Variants in MARCO observed in about 807,000 individuals in gnomAD.
MARCO encodes the protein macrophage receptor MARCO.
Under a neutral mutation model 70.0 loss-of-function variants are expected in MARCO, and 72 were observed. The ratio of observed to expected loss-of-function variants is 1.03; its 90% CI spans 0.85 to 1.25. The LOEUF (loss-of-function observed/expected upper bound fraction) is 1.25. Ranked by LOEUF, MARCO falls within the 50% of genes most tolerant of loss-of-function variation. The pLI is 0.00. For missense variants in MARCO, 696 were observed against 659.3 expected (o/e 1.06, Z -0.61); for synonymous variants, 273 against 243.1 (o/e 1.12, Z -1.14).
At chr2:118,951,573 C>T (rs754397603) in intron 1 of MARCO, among the ~76,000 whole-genome samples, 3 of 152,194 alleles carry the variant, frequency 2.0e-5, no homozygotes, top group East Asian at 1.9e-4. Flanking sequence ...GGGCCATCTA[C>T]GGGTTACTGG....
intron 1 of MARCO, chr2:118,953,108 A>G (rs1225940979): frequency 2.6e-5 from 4 of 152,268 alleles, no homozygotes; most frequent in African/African-American, 9.6e-5. Context: ...ATTTGCTAAT[A>G]GCCTACAACT....
chr2:118,969,973 C>T (rs1164033531), intron 2 of MARCO, 141 bp from the exon 3 acceptor site: 1 of 701,794 alleles, frequency 1.4e-6, no homozygotes. Flanking sequence ...AGGCCGTGTG[C>T]TCACGCTAGG....
At chr2:118,986,219 C>T (rs1295824994) in intron 12 of MARCO, among the ~76,000 whole-genome samples, 1 of 152,162 alleles carries the variant, frequency 6.6e-6, no homozygotes, top group East Asian at 1.9e-4. Context: ...CATCTCACTT[C>T]TTACCACAAG....
chr2:118,990,569 C>CGGGGGTGGGG lies in MARCO; in HGVS notation c.1064-20_1064-19insGGGGGTGGGG. Reference sequence around the variant, plus strand: ...AGTTTTATTATCTCCTCCCCCCCCCCTTTTTTGTTTTGATCTTAGGACTTC... The same window carrying CGGGGGTGGGG: ...AGTTTTATTATCTCCTCCCCCCCCCCGGGGGTGGGGTTTTTTGTTTTGATCTTAGGACTTC... On this transcript the variant is annotated intron_variant, in intron 12 of 16. Transcript: ENST00000327097. 7.1e-7 allele frequency: 1 copy of CGGGGGTGGGG among 1,415,980 alleles called. No homozygotes were observed. The allele number at this position is 1,415,980 out of a possible 1,614,324, so 87.7% of individuals were successfully genotyped here.
At chr2:118,981,696 C>T in intron 10 of MARCO, 40 bp downstream of exon 10, 3 of 1,581,994 alleles carry the variant, frequency 1.9e-6, no homozygotes, top group Non-Finnish European at 2.6e-6. Flanking sequence ...CCAGCTACGA[C>T]TGTCCCTGGC....
At chr2:118,986,643 A>AGG (rs1680498103) in intron 12 of MARCO, among the ~76,000 whole-genome samples, 2 of 47,670 alleles carry the variant, frequency 4.2e-5, no homozygotes, top group African/African-American at 2.9e-4. Flanking sequence ...GAAAGAAAGA[A>AGG]AGAAAGAAAG....
Position 118,942,367 on chromosome 2 carries a change from C to T in MARCO, c.67C>T (p.Gln23Ter), listed in dbSNP as rs540303527. The T allele has an allele frequency of 1.7e-5, 28 of 1,613,502 alleles. 1 individual carries two copies. Among genetic ancestry groups the T allele is most frequent in the Non-Finnish European group, 2.3e-5 (27 of 1,179,646 alleles). Residue 23 changes from glutamine to a stop codon, truncating the protein, a stop_gained, in exon 1 of 17, where the codon CAA becomes TAA. Coordinates refer to ENST00000327097, the MANE Select transcript of MARCO (RefSeq NM_006770.4). LOFTEE classifies it high-confidence loss of function. ...LSETQQAAFH[Q>*]IAMEPFEINV... The stretch of plus-strand genomic sequence containing the variant: ...TGAGACCCAACAAGCTGCTTTTCAC[C>T]AAATTGCAATGGAGCCTTTCGAAAT...
intron 7 of MARCO, 121 bp from the exon 8 acceptor site, chr2:118,977,707 C>A: frequency 1.2e-6 from 1 of 866,208 alleles, no homozygotes; most frequent in Middle Eastern, 2.3e-4. Flanking sequence ...TAGCACATCC[C>A]CCAGAGGAAA....
At chr2:118,942,541 G>A (rs1160762134) in intron 1 of MARCO, 144 bp downstream of exon 1, 4 of 606,592 alleles carry the variant, frequency 6.6e-6, no homozygotes, top group Admixed American at 2.9e-5. Context: ...ACTGTCTGGA[G>A]TGCTTCAATT....
chr2:118,965,178 G>A (rs931161881), intron 1 of MARCO, among the ~76,000 whole-genome samples: 1 of 152,132 alleles, frequency 6.6e-6, no homozygotes, highest in Non-Finnish European at 1.5e-5. Flanking sequence ...TAAATGATAT[G>A]AATTGTAGGT....
chr2:118,977,922 C>G lies in MARCO; in HGVS notation c.753C>G (p.Asp251Glu). ...CTGGAACTAAGGGAGAGAAAGGAGA[C>G]CTGGGTCTCCCAGGTGAGGGCCGTA... The part of the protein sequence containing the change: ...GETGTKGEKG[D>E]LGLPGSKGDR... Residue 251 changes from aspartate to glutamate, a missense_variant, in exon 8 of 17, where the codon GAC becomes GAG. Physicochemically the swap from Asp to Glu is conservative, Grantham distance 45. This residue lies in a region of MARCO where 605 missense variants were observed against 537.6 expected (regional missense o/e 1.13). Coordinates refer to ENST00000327097, the MANE Select transcript of MARCO (RefSeq NM_006770.4). The G allele has an allele frequency of 6.2e-7, 1 of 1,605,774 alleles. No homozygotes were observed. The highest frequency in any genetic ancestry group is 2.2e-5 in the East Asian group (1 of 44,460).
rs530325248 is a variant in MARCO at position 118,942,453 on chromosome 2, C to T, written c.97+56C>T. ...ACCAGAAATGTAGTCTTTCTGCTAG[C>T]GAGATACGAAAATAGACAAGTCAAT... On this transcript the variant is annotated intron_variant, in intron 1 of 16. Coordinates refer to ENST00000327097, the MANE Select transcript of MARCO (RefSeq NM_006770.4). 257 of 1,367,756 alleles carry T rather than the reference C, an allele frequency of 1.9e-4. No individual in the cohort carries two copies. The Middle Eastern group carries it at 2.5e-3, about 13-fold the overall frequency. The allele number at this position is 1,367,756 out of a possible 1,614,324, so 84.7% of individuals were successfully genotyped here.
intron 16 of MARCO, 43 bp downstream of exon 16, chr2:118,993,343 G>C: frequency 6.3e-7 from 1 of 1,592,366 alleles, no homozygotes; most frequent in Non-Finnish European, 8.6e-7. Flanking sequence ...CAGAGGTGTG[G>C]ATGTGGCTTT....
chr2:118,952,797 G>A (rs1187218762), intron 1 of MARCO: 1 of 152,076 alleles, frequency 6.6e-6, no homozygotes, highest in African/African-American at 2.4e-5. Flanking sequence ...GACTAGAGAT[G>A]CCCCCGGAGG....
chr2:118,981,312 G>T, intron 8 of MARCO, 97 bp from the exon 9 acceptor site: 1 of 786,114 alleles, frequency 1.3e-6, no homozygotes. Flanking sequence ...AGGAGTTTAG[G>T]GTTTGGGATT....
At chr2:118,986,560 G>A (rs561915117) in intron 12 of MARCO, among the ~76,000 whole-genome samples, 1 of 116,982 alleles carries the variant, frequency 8.5e-6, no homozygotes, top group East Asian at 2.5e-4. Context: ...AAGGAAGGAA[G>A]GGAGGGAGGG....
chr2:118,983,476 T>A (rs1190220931), intron 12 of MARCO, among the ~76,000 whole-genome samples: 4 of 152,320 alleles, frequency 2.6e-5, no homozygotes, highest in African/African-American at 9.6e-5. Context: ...ACACCCTCTC[T>A]GTCCTTGTAA....
Position 118,969,250 on chromosome 2 carries a change from T to C in MARCO, c.188T>C (p.Leu63Pro), listed in dbSNP as rs1323374161. Residue 63 changes from leucine to proline, a missense_variant, in exon 2 of 17, where the codon CTG (leucine) becomes CCG (proline). Coordinates refer to ENST00000327097, the MANE Select transcript of MARCO (RefSeq NM_006770.4). ...CTGCTCACCGCTGGCGCTGGGCTGC[T>C]GGTGGTCCAAGGTAAAGCAGGCTTG... ...LILLTAGAGL[L>P]VVQVLNLQAR... 5.0e-6 allele frequency: 8 copies of C among 1,614,024 alleles called. No homozygotes were observed. The highest frequency in any genetic ancestry group is 6.8e-6 in the Non-Finnish European group (8 of 1,179,878).
intron 2 of MARCO, among the ~76,000 whole-genome samples, chr2:118,969,907 T>C (rs1680128281): frequency 6.6e-6 from 1 of 152,214 alleles, no homozygotes; most frequent in South Asian, 2.1e-4. Flanking sequence ...AGAAATGTTT[T>C]GTGGACGTGC....
Sources: gnomAD v4.1 joint callset for allele counts (sites outside exome capture counted in the v4.1 genomes callset) on GRCh38, gnomAD v4.1.1 for gene constraint, gnomAD v4.1.1 regional missense constraint, MANE v1.5 for transcripts, NCBI Gene and HGNC (gene_info 2026-07-23, HGNC 2026-07-21) for gene names.